The following DNAH17 variants were observed in gnomAD, a reference collection of about 807,000 sequenced individuals.
The protein encoded by DNAH17 is axonemal beta dynein heavy chain 17.
In DNAH17, 376 loss-of-function variants were observed where a neutral mutation model predicts 485.6. The ratio of observed to expected loss-of-function variants is 0.77; its 90% confidence interval spans 0.71 to 0.84. DNAH17 has a LOEUF of 0.84. DNAH17 is among the 40% of genes least tolerant of loss of function. DNAH17 has a pLI of 0.00. For synonymous variants in DNAH17, 3,031 were observed against 2,405.9 expected, an observed-to-expected ratio of 1.26 and a Z score of -7.60; for missense variants, 6,370 against 5,839.3, an observed-to-expected ratio of 1.09 and a Z score of -2.96.
chr17:78,451,529 G>C lies in DNAH17; in HGVS notation c.10674C>G (p.Leu3558=). 4 of 1,613,800 alleles carry C rather than the reference G, an allele frequency of 2.5e-6. No homozygotes were observed. Among genetic ancestry groups the C allele is most frequent in the Middle Eastern group, 1.7e-4 (1 of 6,060 alleles). The change falls in exon 66 of 81, where the codon CTC becomes CTG. Residue 3558 remains leucine (L), a synonymous_variant. Coordinates refer to ENST00000389840, the MANE Select transcript of DNAH17 (RefSeq NM_173628.4). ...LINFLVTRDG[L]EDQLLAAVVA... is the part of the protein sequence containing the mutation. ...CCACAGCGGCCAAGAGTTGGTCCTCGAGTCCATCCCTGGTGACCAGGAAGT... is the reference window on the plus strand; with the variant it reads ...CCACAGCGGCCAAGAGTTGGTCCTCCAGTCCATCCCTGGTGACCAGGAAGT...
Position 78,451,451 on chromosome 17 carries a change from C to A in DNAH17, c.10734+18G>T. The A allele has an allele frequency of 6.3e-7, 1 of 1,595,924 alleles. No individual in the cohort carries two copies. The highest frequency in any genetic ancestry group is 1.1e-5 in the South Asian group (1 of 87,840). On this transcript the variant is annotated intron_variant, in intron 66 of 80. Transcript: ENST00000389840. ...GGGACGGCACCTCCTCCCGTGTGACCAAACTTCAGGCCATTACCTTCAGCT... is the reference window on the plus strand; with the variant it reads ...GGGACGGCACCTCCTCCCGTGTGACAAAACTTCAGGCCATTACCTTCAGCT...
chr17:78,572,059 C>T (rs541701782), intron 3 of DNAH17, among the ~76,000 whole-genome samples: 2 of 152,310 alleles, frequency 1.3e-5, no homozygotes, highest in African/African-American at 4.8e-5. Context: ...TAAGTAAACC[C>T]TATTTAAACC....
chr17:78,483,244 C>T (rs1408834027), intron 48 of DNAH17, among the ~76,000 whole-genome samples: 1 of 152,244 alleles, frequency 6.6e-6, no homozygotes, highest in Non-Finnish European at 1.5e-5. Context: ...TCACAGCCTG[C>T]AGCCCAGAGT....
At chr17:78,438,452 G>GGGA (rs1228730320) in intron 73 of DNAH17, among the ~76,000 whole-genome samples, 4 of 68,272 alleles carry the variant, frequency 5.9e-5, no homozygotes, top group Admixed American at 1.4e-4. Flanking sequence ...GGAGGGAGGA[G>GGGA]GGAGGAGGAG....
chr17:78,499,086 C>T lies in DNAH17; in HGVS notation c.5667G>A (p.Leu1889=). ...AGCAGCCCCAGGCTCCCGTCTGGGC[C>T]AGGCCCTTGTAGATATTTCCACAGG... ...YKSCGNIYKG[L]AQTGAWGCFD... Residue 1889 remains leucine (L), a synonymous_variant, in exon 37 of 81, where the codon CTG becomes CTA. Coordinates refer to ENST00000389840, the MANE Select transcript of DNAH17 (RefSeq NM_173628.4). 6.2e-7 allele frequency: 1 copy of T among 1,606,120 alleles called. No homozygotes were observed. The highest frequency in any genetic ancestry group is 1.1e-5 in the South Asian group (1 of 89,714).
chr17:78,462,749 A>C (rs370319913), intron 57 of DNAH17, 95 bp downstream of exon 57: 25 of 1,239,100 alleles, frequency 2.0e-5, no homozygotes, highest in South Asian at 1.5e-4. Flanking sequence ...GCTGAGCCCC[A>C]GTGTGACCAG....
intron 41 of DNAH17, among the ~76,000 whole-genome samples, chr17:78,493,494 T>C (rs11077373): frequency 0.59 from 89,435 of 152,176 alleles, 26,749 homozygotes; most frequent in South Asian, 0.71. Flanking sequence ...TCCGAGTTCC[T>C]TTTTAGGAAA....
chr17:78,569,347 T>G (rs551294443), intron 8 of DNAH17, 28 bp downstream of exon 8: 1 of 1,611,380 alleles, frequency 6.2e-7, no homozygotes, highest in African/African-American at 1.3e-5. Context: ...CGTCCTGCCT[T>G]GGCCCTCGCC....
At chr17:78,551,788 C>T (rs759615327) in intron 15 of DNAH17, 150 bp from the exon 16 acceptor site, 47 of 660,998 alleles carry the variant, frequency 7.1e-5, no homozygotes, top group Non-Finnish European at 1.1e-4. Flanking sequence ...ATGGTGAAAC[C>T]CCATCTCTAC....
intron 25 of DNAH17, among the ~76,000 whole-genome samples, chr17:78,521,687 A>G (rs1352666618): frequency 6.6e-6 from 1 of 152,196 alleles, no homozygotes; most frequent in Non-Finnish European, 1.5e-5. Context: ...TAAAAACTTT[A>G]AAGATTATAC....
chr17:78,519,300 G>C (rs373811408), intron 25 of DNAH17, among the ~76,000 whole-genome samples: 2 of 151,844 alleles, frequency 1.3e-5, no homozygotes, highest in East Asian at 1.9e-4. Flanking sequence ...GTGGGACGCA[G>C]CTAATGTAGA....
At chr17:78,500,540 A>T in intron 35 of DNAH17, 79 bp from the exon 36 acceptor site, 6 of 1,393,476 alleles carry the variant, frequency 4.3e-6, no homozygotes, top group Non-Finnish European at 5.7e-6. Flanking sequence ...ACAGAGTCTC[A>T]CTCTGTCACC....
At position 78,427,040 on chromosome 17, in the gene DNAH17, T is replaced by C. The variant is rs770607295; in HGVS notation, c.12657A>G (p.Ala4219=). The change falls in exon 78 of 81, where the codon GCA becomes GCG. Residue 4219 remains alanine, a synonymous_variant. Coordinates refer to ENST00000389840, the MANE Select transcript of DNAH17 (RefSeq NM_173628.4). ...CGTAGGGGGTCTTTTCCGCTGCCTT[T>C]GCCATGATCTCAGCCATGTTGAAAG... The part of the protein sequence containing the change: ...PETFNMAEIM[A]KAAEKTPYVV... 3.7e-6 allele frequency: 6 copies of C among 1,603,540 alleles called. No individual in the cohort carries two copies. Among genetic ancestry groups the C allele is most frequent in the Non-Finnish European group, 5.1e-6 (6 of 1,175,156 alleles).
intron 62 of DNAH17, among the ~76,000 whole-genome samples, chr17:78,456,600 C>A (rs1378236613): frequency 1.3e-5 from 2 of 152,216 alleles, no homozygotes; most frequent in Non-Finnish European, 2.9e-5. Context: ...CGATGCGCCT[C>A]GTGCTTCTCG....
rs2146410324 is a variant in DNAH17, at chr17:78,427,081, C to T, written c.12616G>A (p.Glu4206Lys). Residue 4206 changes from glutamate (E) to lysine (K), a missense_variant, in exon 78 of 81, where the codon GAG (glutamate) becomes AAG (lysine). Glu to Lys is a moderately conservative substitution (Grantham distance 56). Transcript: ENST00000389840. Reference protein sequence around the residue: ...KVKAVLDDILEKIPETFNMAE... With the variant: ...KVKAVLDDILKKIPETFNMAE... ...ATGTTGAAAGTCTCCGGAATCTTCTCCAGGATGTCGTCCAGCACGGCCTTC... is the reference window on the plus strand; with the variant it reads ...ATGTTGAAAGTCTCCGGAATCTTCTTCAGGATGTCGTCCAGCACGGCCTTC... 6.3e-7 allele frequency: 1 copy of T among 1,585,414 alleles called. No homozygotes were observed. The highest frequency in any genetic ancestry group is 8.6e-7 in the Non-Finnish European group (1 of 1,165,964).
chr17:78,458,813 G>A (rs1251541288), intron 61 of DNAH17, 133 bp from the exon 62 acceptor site: 3 of 1,043,234 alleles, frequency 2.9e-6, no homozygotes, highest in Non-Finnish European at 4.4e-6. Context: ...GCCCTCTGGA[G>A]CATGGAGGCT....
chr17:78,468,687 G>A lies in DNAH17; in HGVS notation c.8708C>T (p.Ser2903Phe). 1 of 1,614,038 alleles carries A rather than the reference G, an allele frequency of 6.2e-7. No homozygotes were observed. The highest frequency in any genetic ancestry group is 8.5e-7 in the Non-Finnish European group (1 of 1,179,898). ...TTCCCGAGTGTCATTCATGCCAAGG[G>A]ACTTGACTTGGGGTCGCATGGAGGA... ...IISSMRPQVK[S>F]LGMNDTRETC... The change falls in exon 55 of 81, where the codon TCC (serine) becomes TTC (phenylalanine). Residue 2903 changes from serine (S) to phenylalanine (F), a missense_variant. Ser to Phe is a radical substitution (Grantham distance 155, BLOSUM62 -2). Transcript: ENST00000389840.
intron 19 of DNAH17, among the ~76,000 whole-genome samples, chr17:78,533,583 G>A (rs1282751269): frequency 6.6e-6 from 1 of 152,204 alleles, no homozygotes; most frequent in Non-Finnish European, 1.5e-5. Context: ...AACTGGTTAA[G>A]CAAAGAGAGA....
At chr17:78,455,094 G>A (rs1218820061) in intron 63 of DNAH17, among the ~76,000 whole-genome samples, 1 of 152,184 alleles carries the variant, frequency 6.6e-6, no homozygotes, top group African/African-American at 2.4e-5. Flanking sequence ...AGTTTTAGTA[G>A]AGACGAGGTT....
Sources: allele counts gnomAD v4.1 joint callset (sites outside exome capture counted in the v4.1 genomes callset), GRCh38; gene constraint gnomAD v4.1.1; transcripts MANE v1.5; gene names NCBI Gene and HGNC (gene_info 2026-07-23, HGNC 2026-07-21).